ASZ1: variants seen among roughly 807,000 people sequenced by gnomAD.
ASZ1 encodes ankyrin repeat, SAM and basic leucine zipper domain-containing protein 1.
A neutral mutation model predicts 61.8 loss-of-function variants in ASZ1; 67 were observed. The ratio of observed to expected loss-of-function variants is 1.08; its 90% confidence interval spans 0.89 to 1.33. ASZ1 has a LOEUF of 1.33. ASZ1 is among the 40% of genes most tolerant of loss of function. The pLI is 0.00. For synonymous variants in ASZ1, 193 were observed against 192.7 expected (o/e 1.00, Z -0.01); for missense variants, 577 against 554.5 (o/e 1.04, Z -0.41).
At chr7:117,385,503 C>T (rs953836167) in intron 5 of ASZ1, among the ~76,000 whole-genome samples, 195 bp downstream of exon 5, 5 of 152,034 alleles carry the variant, frequency 3.3e-5, no homozygotes, top group East Asian at 1.9e-4. Flanking sequence ...TCAAATGATC[C>T]GCCTGCCTCG....
At chr7:117,401,230 G>C (rs1375133589) in intron 4 of ASZ1, among the ~76,000 whole-genome samples, 1 of 152,062 alleles carries the variant, frequency 6.6e-6, no homozygotes, top group Non-Finnish European at 1.5e-5. Context: ...ATCTCAATTG[G>C]AGAGGAGAGA....
At chr7:117,402,886 A>G (rs897309978) in intron 4 of ASZ1, among the ~76,000 whole-genome samples, 1 of 152,182 alleles carries the variant, frequency 6.6e-6, no homozygotes, top group South Asian at 2.1e-4. Flanking sequence ...TTGCCAAGCG[A>G]GACGGCAAGG....
rs2116475198 is a variant in ASZ1, at chr7:117,385,807, C to G, written c.443G>C (p.Arg148Thr). The G allele has an allele frequency of 6.2e-7, 1 of 1,607,500 alleles. No individual in the cohort carries two copies. The highest frequency in any genetic ancestry group is 1.1e-5 in the South Asian group (1 of 90,296). Reference protein sequence around the residue: ...RNADPNVACRRLMTPIMYAAR... With the variant: ...RNADPNVACRTLMTPIMYAAR... ...AGCATACATGATTGGGGTCATAAGT[C>G]TCCTAAGGAGGAGGAAGAAAGGAAA... Residue 148 changes from arginine (R) to threonine (T), a missense_variant and splice_region_variant, in exon 5 of 13, where the codon AGA becomes ACA. Transcript: ENST00000284629.
chr7:117,384,010 A>G (rs1375052575), intron 6 of ASZ1, among the ~76,000 whole-genome samples: 2 of 152,066 alleles, frequency 1.3e-5, no homozygotes, highest in South Asian at 2.1e-4. Flanking sequence ...GCTTGGTTTG[A>G]TGATTACATG....
At chr7:117,373,410 C>T (rs1207884458) in intron 10 of ASZ1, among the ~76,000 whole-genome samples, 1 of 151,948 alleles carries the variant, frequency 6.6e-6, no homozygotes, top group East Asian at 1.9e-4. Flanking sequence ...CATACTAAGT[C>T]AGAAAAAAGT....
At chr7:117,376,878 G>C (rs1270799513) in intron 10 of ASZ1, among the ~76,000 whole-genome samples, 1 of 152,022 alleles carries the variant, frequency 6.6e-6, no homozygotes, top group African/African-American at 2.4e-5. Context: ...TGGGAAGAAG[G>C]CAAGAATGTC....
chr7:117,402,463 C>A (rs1310662688), intron 4 of ASZ1, among the ~76,000 whole-genome samples: 1 of 152,140 alleles, frequency 6.6e-6, no homozygotes, highest in Non-Finnish European at 1.5e-5. Flanking sequence ...TTAGCTTCAG[C>A]CCCCTTCCAT....
intron 10 of ASZ1, among the ~76,000 whole-genome samples, chr7:117,369,916 C>T (rs1796017393): frequency 6.6e-6 from 1 of 152,110 alleles, no homozygotes; most frequent in Non-Finnish European, 1.5e-5. Context: ...AATCTTAAGC[C>T]AAATGTTTCC....
chr7:117,427,251 G>T, intron 1 of ASZ1, 105 bp downstream of exon 1: 1 of 1,277,004 alleles, frequency 7.8e-7, no homozygotes, highest in East Asian at 2.3e-5. Flanking sequence ...GGGTAAAAGG[G>T]AAATACACGT....
chr7:117,427,342 G>T lies in ASZ1; in HGVS notation c.105+14C>A. 6.2e-7 allele frequency: 1 copy of T among 1,613,754 alleles called. No individual in the cohort carries two copies. The highest frequency in any genetic ancestry group is 8.5e-7 in the Non-Finnish European group (1 of 1,179,618). On this transcript the variant is annotated intron_variant, in intron 1 of 12. Transcript: ENST00000284629. ...TGAAACCAGGTGTGGTCAAGACAAG[G>T]CCTCCTCCGCTACCTGAGACGTCCG...
At chr7:117,405,236 G>A (rs953970028) in intron 4 of ASZ1, among the ~76,000 whole-genome samples, 2 of 152,186 alleles carry the variant, frequency 1.3e-5, no homozygotes, top group Non-Finnish European at 2.9e-5. Context: ...GACAGTTGAA[G>A]ACTCTTCAAA....
intron 6 of ASZ1, among the ~76,000 whole-genome samples, chr7:117,384,371 A>C (rs530585676): frequency 6.8e-4 from 103 of 152,254 alleles, no homozygotes; most frequent in African/African-American, 2.4e-3. Context: ...TGTTTGAGTT[A>C]CATGTTCAAA....
chr7:117,383,565 AATGAGC>A (rs1180550674), intron 6 of ASZ1, among the ~76,000 whole-genome samples: 3 of 152,030 alleles, frequency 2.0e-5, no homozygotes, highest in Non-Finnish European at 2.9e-5. Flanking sequence ...GCAAGAGAGT[AATGAGC>A]ATGACTAAAT....
At position 117,375,174 on chromosome 7, in the gene ASZ1, G is replaced by T. The variant is rs1039016783; in HGVS notation, c.1055+4764C>A. 1.4e-4 allele frequency among the ~76,000 whole-genome samples: 21 copies of T among 152,052 alleles called. No individual in the cohort carries two copies. In the South Asian group the frequency reaches 4.4e-3, roughly 32 times the overall value. On this transcript the variant is annotated intron_variant, in intron 10 of 12. Coordinates refer to ENST00000284629, the MANE Select transcript of ASZ1 (RefSeq NM_130768.3). ...AGGTTATTTCGGATTATAAAATCTA[G>T]GTGAAAATTACTGAAAAGACAATCA... is the stretch of plus-strand genomic sequence containing the variant.
chr7:117,409,755 T>G, intron 4 of ASZ1, among the ~76,000 whole-genome samples: 1 of 151,870 alleles, frequency 6.6e-6, no homozygotes, highest in Middle Eastern at 3.4e-3. Flanking sequence ...AAGAAGAAAC[T>G]TCACTACCTC....
intron 10 of ASZ1, 117 bp from the exon 11 acceptor site, chr7:117,368,834 A>G (rs1461532325): frequency 7.8e-6 from 12 of 1,530,302 alleles, no homozygotes; most frequent in Non-Finnish European, 1.0e-5. Flanking sequence ...AAAAGAATTC[A>G]TGGAATAGCT....
intron 4 of ASZ1, among the ~76,000 whole-genome samples, chr7:117,417,273 T>C (rs1264672397): frequency 6.6e-6 from 1 of 152,202 alleles, no homozygotes; most frequent in Non-Finnish European, 1.5e-5. Flanking sequence ...TAGCCATTTA[T>C]GTTTTATGGC....
At position 117,368,728 on chromosome 7, in the gene ASZ1, G is replaced by A. The variant is rs1218386083; in HGVS notation, c.1056-11C>T. The stretch of plus-strand genomic sequence containing the variant: ...AGGAACTCATCACCACTAAAGAAAG[G>A]AAACAAACAAACAAGCAGGAATTAC... On this transcript the variant is annotated splice_polypyrimidine_tract_variant and intron_variant, in intron 10 of 12. Transcript: ENST00000284629. 2 of 1,608,660 alleles carry A rather than the reference G, an allele frequency of 1.2e-6. No individual in the cohort carries two copies. Among genetic ancestry groups the A allele is most frequent in the Non-Finnish European group, 1.7e-6 (2 of 1,178,474 alleles).
intron 4 of ASZ1, among the ~76,000 whole-genome samples, chr7:117,398,134 A>C (rs1297618991): frequency 1.3e-5 from 2 of 152,170 alleles, no homozygotes. Flanking sequence ...GATCTTTTTT[A>C]ATCTGCTTAA....
Sources: allele counts gnomAD v4.1 joint callset (sites outside exome capture counted in the v4.1 genomes callset), GRCh38; gene constraint gnomAD v4.1.1; transcripts MANE v1.5; gene names NCBI Gene and HGNC (gene_info 2026-07-23, HGNC 2026-07-21).